RERE: variants seen among roughly 807,000 people sequenced by gnomAD.
RERE encodes arginine-glutamic acid dipeptide repeats, also known as arginine-glutamic acid dipeptide repeats protein.
RERE carries 40 observed loss-of-function variants against 146.1 expected under a neutral mutation model. The ratio of observed to expected loss-of-function variants is 0.27; its 90% CI spans 0.21 to 0.36. RERE has a LOEUF of 0.36. RERE is among the 10% of genes least tolerant of loss of function. RERE has a pLI of 1.00. For synonymous variants in RERE, 1,003 were observed against 866.0 expected (o/e 1.16, Z -2.78); for missense variants, 1,933 against 2,138.7 (o/e 0.90, Z 1.90).
At chr1:8,544,477 T>C (rs1645835292) in intron 6 of RERE, among the ~76,000 whole-genome samples, 1 of 152,150 alleles carries the variant, frequency 6.6e-6, no homozygotes, top group Non-Finnish European at 1.5e-5. Flanking sequence ...TAAAATACCA[T>C]GGACAAATCT....
At chr1:8,386,022 A>AAATTT in intron 12 of RERE, among the ~76,000 whole-genome samples, 1 of 26,624 alleles carries the variant, frequency 3.8e-5, no homozygotes, top group Non-Finnish European at 6.0e-5. Context: ...ATATATATAT[A>AAATTT]TTTTTTTTTT....
intron 1 of RERE, among the ~76,000 whole-genome samples, chr1:8,697,123 C>T (rs904111673): frequency 6.6e-6 from 1 of 152,026 alleles, no homozygotes; most frequent in Non-Finnish European, 1.5e-5. Flanking sequence ...TTTACTCTAA[C>T]CTATGTTAAG....
At chr1:8,602,668 C>A (rs1646647913) in intron 4 of RERE, among the ~76,000 whole-genome samples, 1 of 152,144 alleles carries the variant, frequency 6.6e-6, no homozygotes, top group Non-Finnish European at 1.5e-5. Flanking sequence ...ACCCAACAGT[C>A]ACTTCCGTTT....
chr1:8,570,816 G>C (rs1231702309), intron 4 of RERE, among the ~76,000 whole-genome samples: 1 of 152,140 alleles, frequency 6.6e-6, no homozygotes, highest in Admixed American at 6.5e-5. Context: ...TCCCGAAACA[G>C]CACAATGACT....
At chr1:8,432,526 GCT>G (rs1425382111) in intron 11 of RERE, among the ~76,000 whole-genome samples, 6 of 152,138 alleles carry the variant, frequency 3.9e-5, no homozygotes, top group Admixed American at 1.3e-4. Context: ...AGTCCGCTCT[GCT>G]CTCTCTCCCT....
chr1:8,729,264 C>T (rs1369615953), intron 1 of RERE, among the ~76,000 whole-genome samples: 4 of 141,244 alleles, frequency 2.8e-5, no homozygotes, highest in African/African-American at 1.0e-4. Flanking sequence ...CGCTCTGTTG[C>T]CCAGGCTGGA....
chr1:8,399,740 C>T (rs999659466), intron 12 of RERE, among the ~76,000 whole-genome samples: 3 of 151,638 alleles, frequency 2.0e-5, no homozygotes, highest in African/African-American at 4.8e-5. Flanking sequence ...TTAACATCGG[C>T]GCATCATCTC....
chr1:8,387,859 G>C (rs1642736734), intron 12 of RERE, among the ~76,000 whole-genome samples: 1 of 152,150 alleles, frequency 6.6e-6, no homozygotes, highest in South Asian at 2.1e-4. Context: ...TGCTTTTCTT[G>C]GTAAAATAGC....
chr1:8,423,690 C>A lies in RERE; in HGVS notation c.1204-883G>T. ...TCCACAAAGCGCAGGGCGGAGGCGG[C>A]CGCGGGTGGCTCGGCGTGTGACCGC... On this transcript the variant is annotated intron_variant, in intron 11 of 22. Coordinates refer to ENST00000400908, the MANE Select transcript of RERE (RefSeq NM_001042681.2). The surrounding 1 kb of genome is among the most constrained non-coding windows in gnomAD (Gnocchi z 5.4). 1.0e-6 allele frequency: 1 copy of A among 982,836 alleles called. No individual in the cohort carries two copies. The highest frequency in any genetic ancestry group is 1.8e-5 in the African/African-American group (1 of 57,046). The allele number at this position is 982,836 out of a possible 1,614,324, so 60.9% of individuals were successfully genotyped here. A position where few individuals can be genotyped will look rare whatever the true frequency, so the allele number is the denominator to read the frequency against.
At chr1:8,551,967 G>A (rs1283158344) in intron 6 of RERE, among the ~76,000 whole-genome samples, 1 of 152,162 alleles carries the variant, frequency 6.6e-6, no homozygotes. Flanking sequence ...GGTGGTTATG[G>A]ATAAAGTGTG....
At chr1:8,717,842 T>C (rs1420217094) in intron 1 of RERE, among the ~76,000 whole-genome samples, 2 of 152,208 alleles carry the variant, frequency 1.3e-5, no homozygotes, top group Non-Finnish European at 2.9e-5. Flanking sequence ...GTGCTGTCTA[T>C]ACTGTGTGTA....
chr1:8,766,997 TTC>T (rs1417066103), intron 1 of RERE, among the ~76,000 whole-genome samples: 2 of 152,260 alleles, frequency 1.3e-5, no homozygotes, highest in Non-Finnish European at 2.9e-5. Context: ...TGCATTATTT[TTC>T]TTTTACCTTT....
At chr1:8,591,730 TCTC>T (rs1353349293) in intron 4 of RERE, among the ~76,000 whole-genome samples, 1 of 152,096 alleles carries the variant, frequency 6.6e-6, no homozygotes, top group Non-Finnish European at 1.5e-5. Context: ...CACTCCAAAT[TCTC>T]CTCCTTAGCA....
At chr1:8,517,790 TAAATA>T (rs1230877777) in intron 7 of RERE, among the ~76,000 whole-genome samples, 1 of 152,166 alleles carries the variant, frequency 6.6e-6, no homozygotes, top group African/African-American at 2.4e-5. Flanking sequence ...TGCAGTGGAT[TAAATA>T]AAATGACAAG....
chr1:8,564,824 A>ATATATG (rs1646126701), intron 4 of RERE, among the ~76,000 whole-genome samples: 1 of 48,828 alleles, frequency 2.0e-5, no homozygotes, highest in African/African-American at 9.3e-5. Context: ...ATGTGTGTGT[A>ATATATG]TATGTGTATG....
chr1:8,612,090 G>A (rs914625084), intron 4 of RERE, among the ~76,000 whole-genome samples: 4 of 152,212 alleles, frequency 2.6e-5, no homozygotes. Context: ...TAGAAACACA[G>A]ATCACATATA....
At chr1:8,427,637 TAAAAAA>T (rs33996085) in intron 11 of RERE, among the ~76,000 whole-genome samples, 5 of 116,352 alleles carry the variant, frequency 4.3e-5, no homozygotes, top group Admixed American at 1.8e-4. Context: ...GGCCCCACTT[TAAAAAA>T]AAAAAAAAAA....
chr1:8,778,076 C>T (rs1641101729), intron 1 of RERE, among the ~76,000 whole-genome samples: 1 of 152,064 alleles, frequency 6.6e-6, no homozygotes, highest in Non-Finnish European at 1.5e-5. Context: ...TCAATCATTC[C>T]TTTTCTCCAA....
chr1:8,742,615 G>A (rs544992203), intron 1 of RERE, among the ~76,000 whole-genome samples: 1 of 152,282 alleles, frequency 6.6e-6, no homozygotes, highest in Admixed American at 6.5e-5. Context: ...AAGCCCAGGA[G>A]TTCAAGACCA....
Sources: allele counts gnomAD v4.1 joint callset (sites outside exome capture counted in the v4.1 genomes callset), GRCh38; gene constraint gnomAD v4.1.1; non-coding constraint Gnocchi (gnomAD v3.1); transcripts MANE v1.5; gene names NCBI Gene and HGNC (gene_info 2026-07-23, HGNC 2026-07-21).